APBB2: variants seen among roughly 807,000 people sequenced by gnomAD.
APBB2 encodes amyloid beta precursor protein binding family B member 2.
In APBB2, 38 loss-of-function variants were observed where a neutral mutation model predicts 82.5. That is an observed-to-expected ratio of 0.46 (90% confidence interval 0.36 to 0.60). The LOEUF (loss-of-function observed/expected upper bound fraction) is 0.60. APBB2 is among the 20% of genes least tolerant of loss of function. APBB2 has a pLI of 0.00. For synonymous variants in APBB2, 341 were observed against 368.2 expected (o/e 0.93, Z 0.85); for missense variants, 772 against 972.3 (o/e 0.79, Z 2.74).
intron 1 of APBB2, among the ~76,000 whole-genome samples, chr4:41,190,305 G>T (rs1290865352): frequency 7.3e-6 from 1 of 136,654 alleles, no homozygotes; most frequent in Non-Finnish European, 1.5e-5. Flanking sequence ...AGGCTGGAGC[G>T]CAGTGCCGCG....
At chr4:41,061,884 C>T (rs1353122380) in intron 4 of APBB2, among the ~76,000 whole-genome samples, 1 of 152,246 alleles carries the variant, frequency 6.6e-6, no homozygotes, top group Non-Finnish European at 1.5e-5. Flanking sequence ...TAGAGCACAG[C>T]AGTATGCACT....
In APBB2 at chr4:41,000,069, A is replaced by ATG. The variant is rs779111046; in HGVS notation, c.835+13512_835+13513dup. On this transcript the variant is annotated intron_variant, in intron 6 of 17. Transcript: ENST00000508593. Reference sequence around the variant, plus strand: ...TATGTATATGTATATATATGTGTGTATGTGTGTGTGTGTGTGTGTGTGTGT... The same window carrying ATG: ...TATGTATATGTATATATATGTGTGTATGTGTGTGTGTGTGTGTGTGTGTGTGT... Among the ~76,000 whole-genome samples, 973 of 130,660 alleles carry ATG rather than the reference A, an allele frequency of 7.4e-3. 6 individuals are homozygous for ATG. Among genetic ancestry groups the ATG allele is most frequent in the Non-Finnish European group, 7.6e-3 (484 of 63,600 alleles). The allele number at this position is 130,660 out of a possible 152,430, so 85.7% of individuals were successfully genotyped here. A position where few individuals can be genotyped will look rare whatever the true frequency, so the allele number is the denominator to read the frequency against.
chr4:41,126,951 C>T (rs141864457), intron 2 of APBB2, among the ~76,000 whole-genome samples: 2 of 152,266 alleles, frequency 1.3e-5, no homozygotes, highest in East Asian at 3.9e-4. Flanking sequence ...AATACACTCA[C>T]ATTTTAACAT....
intron 6 of APBB2, among the ~76,000 whole-genome samples, chr4:41,006,915 TAA>T (rs1452419568): frequency 6.6e-6 from 1 of 152,216 alleles, no homozygotes; most frequent in Non-Finnish European, 1.5e-5. Context: ...TTAAGCTAGC[TAA>T]AGCCAGAAAT....
intron 10 of APBB2, among the ~76,000 whole-genome samples, chr4:40,898,779 G>A (rs1458802266): frequency 6.6e-6 from 1 of 151,454 alleles, no homozygotes; most frequent in African/African-American, 2.4e-5. Flanking sequence ...AGGCCAAGGT[G>A]GGCGGACCAC....
intron 1 of APBB2, among the ~76,000 whole-genome samples, chr4:41,195,616 C>T: frequency 6.6e-6 from 1 of 152,176 alleles, no homozygotes; most frequent in Non-Finnish European, 1.5e-5. Flanking sequence ...TAGATTGTTA[C>T]CCTTGCCTGG....
chr4:40,917,245 A>G (rs1780068093), intron 10 of APBB2, among the ~76,000 whole-genome samples: 1 of 151,796 alleles, frequency 6.6e-6, no homozygotes, highest in South Asian at 2.1e-4. Context: ...CTCTAAGTGA[A>G]CTCCAGCTCC....
intron 1 of APBB2, among the ~76,000 whole-genome samples, chr4:41,198,951 C>T (rs1427729923): frequency 6.6e-6 from 1 of 152,166 alleles, no homozygotes; most frequent in East Asian, 1.9e-4. Context: ...AAATTTCCCT[C>T]TTCTTCTAAA....
At chr4:40,899,524 T>C (rs1331336793) in intron 10 of APBB2, among the ~76,000 whole-genome samples, 1 of 152,158 alleles carries the variant, frequency 6.6e-6, no homozygotes, top group Admixed American at 6.5e-5. Flanking sequence ...CAGATGGTCT[T>C]GGGTTCGAAT....
intron 3 of APBB2, among the ~76,000 whole-genome samples, chr4:41,094,039 T>TA (rs1431762575): frequency 1.3e-5 from 2 of 152,238 alleles, no homozygotes; most frequent in East Asian, 3.9e-4. Context: ...TTAATTCGCT[T>TA]AATTTAGGAT....
At chr4:40,846,326 C>CAAAAAAAA (rs3086182) in intron 12 of APBB2, among the ~76,000 whole-genome samples, 1 of 62,510 alleles carries the variant, frequency 1.6e-5, no homozygotes, top group African/African-American at 6.5e-5. Context: ...GAAAACACTC[C>CAAAAAAAA]AAAAAAAAAA....
intron 12 of APBB2, among the ~76,000 whole-genome samples, chr4:40,873,436 C>T (rs550620672): frequency 4.6e-5 from 7 of 152,268 alleles, no homozygotes; most frequent in Non-Finnish European, 8.8e-5. Context: ...GCTTCTCTTA[C>T]GTCAATGAAG....
chr4:40,831,271 C>T (rs1053062388), intron 12 of APBB2, among the ~76,000 whole-genome samples: 1 of 151,914 alleles, frequency 6.6e-6, no homozygotes, highest in Admixed American at 6.6e-5. Context: ...TGGTGGCCGG[C>T]GTCTGTAATC....
intron 12 of APBB2, among the ~76,000 whole-genome samples, chr4:40,851,426 GC>G (rs1158136241): frequency 6.6e-6 from 1 of 152,098 alleles, no homozygotes; most frequent in African/African-American, 2.4e-5. Context: ...AAAAGGGAGG[GC>G]GATGAAAAAC....
At chr4:40,895,346 C>T (rs1353612113) in intron 10 of APBB2, among the ~76,000 whole-genome samples, 2 of 152,340 alleles carry the variant, frequency 1.3e-5, no homozygotes, top group Non-Finnish European at 1.5e-5. Context: ...AGGCAGTCCC[C>T]GTGACAATCA....
chr4:40,907,017 T>C (rs1776948118), intron 10 of APBB2, among the ~76,000 whole-genome samples: 1 of 152,194 alleles, frequency 6.6e-6, no homozygotes, highest in African/African-American at 2.4e-5. Flanking sequence ...TGTGTATATG[T>C]AGATGGATCT....
intron 1 of APBB2, among the ~76,000 whole-genome samples, chr4:41,206,170 C>A (rs1450793097): frequency 6.6e-6 from 1 of 152,108 alleles, no homozygotes; most frequent in Admixed American, 6.5e-5. Flanking sequence ...AGTAGCAAAT[C>A]CTGGGTGGTA....
chr4:41,190,826 G>C (rs535580611), intron 1 of APBB2, among the ~76,000 whole-genome samples: 6 of 152,238 alleles, frequency 3.9e-5, no homozygotes, highest in Non-Finnish European at 7.4e-5. Context: ...ACTTTAAGAA[G>C]ATCTGAAAAG....
intron 12 of APBB2, among the ~76,000 whole-genome samples, chr4:40,871,762 C>T (rs1765583492): frequency 6.6e-6 from 1 of 152,144 alleles, no homozygotes; most frequent in African/African-American, 2.4e-5. Context: ...TTATTCTCCC[C>T]TCATTCTCCC....
Sources: gnomAD v4.1 joint callset for allele counts (sites outside exome capture counted in the v4.1 genomes callset) on GRCh38, gnomAD v4.1.1 for gene constraint, MANE v1.5 for transcripts, NCBI Gene and HGNC (gene_info 2026-07-23, HGNC 2026-07-21) for gene names.